Variants in DIAPH2 observed in about 807,000 individuals in gnomAD.
DIAPH2 encodes the protein diaphanous related formin 2, also known as protein diaphanous homolog 2.
DIAPH2 carries 35 observed loss-of-function variants against 92.7 expected under a neutral mutation model. That is an observed-to-expected ratio of 0.38 (90% CI 0.29 to 0.50). The LOEUF is 0.50. Ranked by LOEUF, DIAPH2 falls within the 20% of genes least tolerant of loss-of-function variation. DIAPH2 has a pLI of 0.94. For missense variants in DIAPH2, 701 were observed against 819.5 expected (o/e 0.86, Z 1.77); for synonymous variants, 301 against 280.4 (o/e 1.07, Z -0.73).
intron 19 of DIAPH2, among the ~76,000 whole-genome samples, chrX:97,082,872 A>C (rs1234469905): frequency 9.0e-6 from 1 of 111,710 alleles, no homozygotes; most frequent in Non-Finnish European, 1.9e-5. Flanking sequence ...TATCAGAGAG[A>C]TAGAGAACAA....
intron 17 of DIAPH2, among the ~76,000 whole-genome samples, chrX:97,033,598 A>G (rs1273719559): frequency 1.8e-5 from 2 of 112,221 alleles, no homozygotes; most frequent in Non-Finnish European, 3.8e-5. Flanking sequence ...GTATAACAAC[A>G]TAAGTAAACA....
At chrX:97,344,342 C>T (rs916920513) in intron 23 of DIAPH2, among the ~76,000 whole-genome samples, 10 of 111,808 alleles carry the variant, frequency 8.9e-5, no homozygotes, top group African/African-American at 2.9e-4. Context: ...CCTGGGAGTT[C>T]GAGGCTGCAG....
intron 26 of DIAPH2, among the ~76,000 whole-genome samples, chrX:97,481,130 C>G (rs2070647626): frequency 9.0e-6 from 1 of 111,628 alleles, no homozygotes. Context: ...CTTATACTCT[C>G]TATGTAGTTC....
chrX:97,294,459 T>C lies in DIAPH2; in HGVS notation c.2844+46620T>C, dbSNP rs139470407. ...TTGGAATCCAAACATGCAGATTATT[T>C]CTATAGCACTTTGTCTAGTTTTTTT... On this transcript the variant is annotated intron_variant, in intron 23 of 26. Coordinates refer to ENST00000324765, the MANE Select transcript of DIAPH2 (RefSeq NM_006729.5). Among the ~76,000 whole-genome samples the C allele has an allele frequency of 6.7e-3, 750 of 112,185 alleles. 14 individuals are homozygous for C. The East Asian group carries it at 0.083, about 12-fold the overall frequency.
At position 97,167,910 on chromosome X, in the gene DIAPH2, G is replaced by C. The variant is rs139294416; in HGVS notation, c.2719+26116G>C. Among the ~76,000 whole-genome samples the C allele has an allele frequency of 1.5e-3, 167 of 110,278 alleles. 2 individuals carry two copies. In the East Asian group the frequency reaches 0.036, roughly 24 times the overall value. On this transcript the variant is annotated intron_variant, in intron 22 of 26. Transcript: ENST00000324765. ...AGGTCTTTTTCTGATCTTTCTTTTGGGTTGTTTATCCTCTTTAAAGAAAAT... is the reference window on the plus strand; with the variant it reads ...AGGTCTTTTTCTGATCTTTCTTTTGCGTTGTTTATCCTCTTTAAAGAAAAT...
chrX:97,523,977 T>C (rs2071007661), intron 26 of DIAPH2, among the ~76,000 whole-genome samples: 1 of 111,998 alleles, frequency 8.9e-6, no homozygotes, highest in African/African-American at 3.2e-5. Context: ...AGAAAGCTAG[T>C]ACAGTAAAAA....
chrX:97,287,265 A>C (rs1420891074), intron 23 of DIAPH2, among the ~76,000 whole-genome samples: 2 of 109,362 alleles, frequency 1.8e-5, no homozygotes, highest in Non-Finnish European at 3.8e-5. Context: ...AGATCATGCC[A>C]CCGAACTCCA....
chrX:96,774,437 C>T (rs1212188594), intron 4 of DIAPH2, among the ~76,000 whole-genome samples: 1 of 111,950 alleles, frequency 8.9e-6, no homozygotes, highest in South Asian at 3.8e-4. Context: ...CATGGAAAAG[C>T]TGCTACATTA....
chrX:97,052,856 G>T (rs2066530025), intron 17 of DIAPH2, among the ~76,000 whole-genome samples: 1 of 111,045 alleles, frequency 9.0e-6, no homozygotes, highest in Non-Finnish European at 1.9e-5. Context: ...GCTTTTGCTG[G>T]GTTGCAAAAC....
chrX:97,275,412 CG>C (rs71427225), intron 23 of DIAPH2, among the ~76,000 whole-genome samples: 2 of 101,653 alleles, frequency 2.0e-5, no homozygotes, highest in Middle Eastern at 6.6e-3. Context: ...GCTGGCCAGG[CG>C]GGGGCTGCCC....
chrX:97,029,822 C>T (rs1041375681), intron 17 of DIAPH2, among the ~76,000 whole-genome samples: 8 of 111,232 alleles, frequency 7.2e-5, no homozygotes, highest in Non-Finnish European at 1.5e-4. Flanking sequence ...ATGGCAGTAC[C>T]TCAATGTCTT....
At chrX:97,106,266 G>A (rs1354573566) in intron 20 of DIAPH2, among the ~76,000 whole-genome samples, 1 of 110,806 alleles carries the variant, frequency 9.0e-6, no homozygotes, top group Admixed American at 9.6e-5. Flanking sequence ...CATTACTTTT[G>A]TAAATATTAG....
chrX:97,187,281 C>CTTTTTTTTTTTTTTTTTTTTTTTTTT lies in DIAPH2; in HGVS notation c.2719+45510_2719+45511insTTTTTTTTTTTTTTTTTTTTTTTTTT, dbSNP rs763781923. Among the ~76,000 whole-genome samples the CTTTTTTTTTTTTTTTTTTTTTTTTTT allele has an allele frequency of 3.3e-4, 12 of 36,883 alleles. 3 individuals are homozygous for CTTTTTTTTTTTTTTTTTTTTTTTTTT. Among genetic ancestry groups the CTTTTTTTTTTTTTTTTTTTTTTTTTT allele is most frequent in the African/African-American group, 4.1e-4 (4 of 9,669 alleles). 32.0% of individuals were successfully genotyped at this position (36,883 alleles called of 115,157 possible). A position where few individuals can be genotyped will look rare whatever the true frequency, so the allele number is the denominator to read the frequency against. On this transcript the variant is annotated intron_variant, in intron 22 of 26. Transcript: ENST00000324765. ...AGGGATTGAAGACTAATTAAGTAGC[C>CTTTTTTTTTTTTTTTTTTTTTTTTTT]TTTTTTTTTTTTTTTTTTTTTTTGC...
chrX:97,069,143 A>G (rs992516677), intron 17 of DIAPH2, among the ~76,000 whole-genome samples: 3 of 110,399 alleles, frequency 2.7e-5, no homozygotes, highest in African/African-American at 9.9e-5. Context: ...TGTATTTTTT[A>G]GTAGAGACAG....
chrX:97,024,883 C>T (rs1042177795), intron 17 of DIAPH2, among the ~76,000 whole-genome samples: 1 of 112,129 alleles, frequency 8.9e-6, no homozygotes, highest in East Asian at 2.8e-4. Context: ...GTTGACTAGA[C>T]ACCATTCCCT....
At chrX:97,539,652 T>C (rs2071124576) in intron 26 of DIAPH2, among the ~76,000 whole-genome samples, 1 of 112,263 alleles carries the variant, frequency 8.9e-6, no homozygotes. Flanking sequence ...TGTTTATTCA[T>C]TCATTTAATT....
At chrX:96,947,831 C>T (rs1034275851) in intron 14 of DIAPH2, among the ~76,000 whole-genome samples, 1 of 111,688 alleles carries the variant, frequency 9.0e-6, no homozygotes, top group Non-Finnish European at 1.9e-5. Flanking sequence ...ACAACATTGA[C>T]AATAAAGGGC....
chrX:96,875,522 A>G (rs954441470), intron 4 of DIAPH2, among the ~76,000 whole-genome samples: 6 of 111,597 alleles, frequency 5.4e-5, no homozygotes, highest in Admixed American at 4.8e-4. Context: ...ATGCTTATAC[A>G]TTGCTGTAGA....
chrX:97,140,242 C>T (rs915711420), intron 21 of DIAPH2, among the ~76,000 whole-genome samples: 10 of 111,073 alleles, frequency 9.0e-5, no homozygotes, highest in African/African-American at 3.3e-4. Context: ...CTCTTAAAAA[C>T]GATGCACTTT....
Sources: allele counts gnomAD v4.1 joint callset (sites outside exome capture counted in the v4.1 genomes callset), GRCh38; gene constraint gnomAD v4.1.1; transcripts MANE v1.5; gene names NCBI Gene and HGNC (gene_info 2026-07-23, HGNC 2026-07-21).